The following ROR2 variants were observed in gnomAD, a reference collection of about 807,000 sequenced individuals.
ROR2 encodes the protein ROR family WNT receptor 2.
A neutral mutation model predicts 74.9 loss-of-function variants in ROR2; 33 were observed. The observed-to-expected ratio is 0.44, with a 90% confidence interval of 0.33 to 0.59. The LOEUF (loss-of-function observed/expected upper bound fraction) is 0.59, where lower values mean the gene tolerates loss of function less well. Ranked by LOEUF, ROR2 falls within the 20% of genes least tolerant of loss-of-function variation. The probability of loss-of-function intolerance (pLI) is 0.02; values close to 1 mark genes in which losing one functional copy is unlikely to be tolerated. For synonymous variants in ROR2, 586 were observed against 558.7 expected (o/e 1.05, Z -0.69); for missense variants, 1,216 against 1,313.8 (o/e 0.93, Z 1.15).
Position 91,934,218 on chromosome 9 carries a change from G to GT in ROR2, c.97+15648dup, listed in dbSNP as rs993276305. 1.5e-3 allele frequency among the ~76,000 whole-genome samples: 228 copies of GT among 152,090 alleles called. 1 individual carries two copies. The highest frequency in any genetic ancestry group is 5.4e-3 in the African/African-American group (223 of 41,470). On this transcript the variant is annotated intron_variant, in intron 1 of 8. Transcript: ENST00000375708. ...ATGTGTTACTAGATTTTTAGTTTTGGTTTTTTCTTGTTTTTTACTTAATCA... is the reference window on the plus strand; with the variant it reads ...ATGTGTTACTAGATTTTTAGTTTTGGTTTTTTTCTTGTTTTTTACTTAATCA...
chr9:91,732,149 C>T (rs1164963088), intron 6 of ROR2, among the ~76,000 whole-genome samples: 1 of 152,132 alleles, frequency 6.6e-6, no homozygotes, highest in Non-Finnish European at 1.5e-5. Context: ...GATTAGCCAA[C>T]GATGCTAAAT....
chr9:91,899,448 T>C (rs558976959), intron 1 of ROR2, among the ~76,000 whole-genome samples: 31 of 152,310 alleles, frequency 2.0e-4, no homozygotes, highest in Admixed American at 1.6e-3. Context: ...GTGTCCCTCC[T>C]GTGTGCTGCA....
At chr9:91,891,811 G>T (rs993433280) in intron 1 of ROR2, among the ~76,000 whole-genome samples, 4 of 151,942 alleles carry the variant, frequency 2.6e-5, no homozygotes, top group African/African-American at 9.7e-5. Flanking sequence ...ACTTTAGGAG[G>T]CCAAGACGGG....
At chr9:91,822,292 C>T (rs1407816601) in intron 1 of ROR2, among the ~76,000 whole-genome samples, 1 of 152,192 alleles carries the variant, frequency 6.6e-6, no homozygotes, top group Non-Finnish European at 1.5e-5. Flanking sequence ...CACACCACCA[C>T]CAAGGATCAG....
Position 91,792,792 on chromosome 9 carries a change from A to C in ROR2, c.98-16974T>G, listed in dbSNP as rs138069698. Reference sequence around the variant, plus strand: ...CCAACAAATTAGATAACCTAGAGGAAATGGACAAATTCCTACAGAAATGAA... The same window carrying C: ...CCAACAAATTAGATAACCTAGAGGACATGGACAAATTCCTACAGAAATGAA... On this transcript the variant is annotated intron_variant, in intron 1 of 8. Coordinates refer to ENST00000375708, the MANE Select transcript of ROR2 (RefSeq NM_004560.4). Among the ~76,000 whole-genome samples, 387 of 152,364 alleles carry C rather than the reference A, an allele frequency of 2.5e-3. 6 individuals carry two copies. The highest frequency in any genetic ancestry group is 0.013 in the Admixed American group (192 of 15,304).
chr9:91,822,848 C>T (rs974627025), intron 1 of ROR2, among the ~76,000 whole-genome samples: 1 of 152,146 alleles, frequency 6.6e-6, no homozygotes, highest in African/African-American at 2.4e-5. Flanking sequence ...TGCAGCCAGA[C>T]GTGCACAGCT....
At chr9:91,730,607 T>C (rs957097144) in intron 7 of ROR2, among the ~76,000 whole-genome samples, 1 of 152,154 alleles carries the variant, frequency 6.6e-6, no homozygotes, top group Non-Finnish European at 1.5e-5. Flanking sequence ...ATTACAGGCA[T>C]GTGCCACCGC....
intron 2 of ROR2, among the ~76,000 whole-genome samples, chr9:91,765,279 T>C (rs1312669849): frequency 1.3e-5 from 2 of 152,202 alleles, no homozygotes; most frequent in African/African-American, 4.8e-5. Context: ...ACTATATCTT[T>C]CTTTTCTAGA....
At position 91,873,146 on chromosome 9, in the gene ROR2, T is replaced by C. The variant is rs114912520; in HGVS notation, c.97+76721A>G. On this transcript the variant is annotated intron_variant, in intron 1 of 8. Transcript: ENST00000375708. ...CTTTTCCGGATACACAGTGTCAACA[T>C]TGGTTTTCACCCTCCCCTGTCATTC... is the stretch of plus-strand genomic sequence containing the variant. Among the ~76,000 whole-genome samples, 16 of 152,162 alleles carry C rather than the reference T, an allele frequency of 1.1e-4. No individual in the cohort carries two copies. In the East Asian group the frequency reaches 1.4e-3, roughly 13 times the overall value.
intron 2 of ROR2, among the ~76,000 whole-genome samples, chr9:91,758,680 G>A (rs1376157320): frequency 6.6e-6 from 1 of 152,226 alleles, no homozygotes; most frequent in Non-Finnish European, 1.5e-5. Context: ...GCCCTGATAA[G>A]TGGGGAGCCC....
At chr9:91,783,600 G>A (rs1826697818) in intron 1 of ROR2, among the ~76,000 whole-genome samples, 1 of 152,110 alleles carries the variant, frequency 6.6e-6, no homozygotes, top group South Asian at 2.1e-4. Context: ...CAGGGTTTCA[G>A]CTGCAGCTGC....
intron 1 of ROR2, among the ~76,000 whole-genome samples, chr9:91,840,107 G>A (rs1828736799): frequency 6.6e-6 from 1 of 152,136 alleles, no homozygotes; most frequent in South Asian, 2.1e-4. Flanking sequence ...AGAGCAGAGA[G>A]TACCTGGCTG....
intron 1 of ROR2, among the ~76,000 whole-genome samples, chr9:91,826,627 A>G (rs1034814243): frequency 1.3e-5 from 2 of 151,956 alleles, no homozygotes; most frequent in African/African-American, 4.8e-5. Context: ...TAAAAATACA[A>G]AAAGAAATTA....
intron 1 of ROR2, among the ~76,000 whole-genome samples, chr9:91,794,714 C>G (rs1342568800): frequency 6.6e-6 from 1 of 150,580 alleles, no homozygotes; most frequent in Non-Finnish European, 1.5e-5. Context: ...ATTTCTTTTT[C>G]AATTAAAAAA....
chr9:91,942,145 G>T (rs993591035), intron 1 of ROR2, among the ~76,000 whole-genome samples: 1 of 152,074 alleles, frequency 6.6e-6, no homozygotes, highest in Non-Finnish European at 1.5e-5. Context: ...TCATGTCCTC[G>T]ACAATTTTTG....
intron 1 of ROR2, among the ~76,000 whole-genome samples, chr9:91,946,252 T>A (rs553405184): frequency 1.3e-5 from 2 of 152,170 alleles, no homozygotes; most frequent in African/African-American, 4.8e-5. Context: ...AAACCTTACA[T>A]GCTTGGTATT....
intron 1 of ROR2, among the ~76,000 whole-genome samples, chr9:91,941,608 G>A (rs1235395919): frequency 2.0e-5 from 3 of 152,138 alleles, no homozygotes; most frequent in Non-Finnish European, 4.4e-5. Flanking sequence ...CAGTGGTTCC[G>A]TTAGTATCCA....
At chr9:91,820,190 C>A (rs1013635460) in intron 1 of ROR2, among the ~76,000 whole-genome samples, 36 of 152,260 alleles carry the variant, frequency 2.4e-4, no homozygotes, top group African/African-American at 8.7e-4. Context: ...TTTTAAAATG[C>A]ACTGCCCCCA....
rs113934820 is a variant in ROR2 at position 91,899,116 on chromosome 9, G to A, written c.97+50751C>T. On this transcript the variant is annotated intron_variant, in intron 1 of 8. Coordinates refer to ENST00000375708, the MANE Select transcript of ROR2 (RefSeq NM_004560.4). ...CCACCAGGTGGCCTCTTCCTGTTCC[G>A]CTGACTCCGGCCTGACCTCTGTCCT... 8.0e-3 allele frequency among the ~76,000 whole-genome samples: 1,220 copies of A among 152,314 alleles called. 20 individuals carry two copies. The highest frequency in any genetic ancestry group is 0.027 in the African/African-American group (1,136 of 41,578).
Sources: gnomAD v4.1 joint callset for allele counts (sites outside exome capture counted in the v4.1 genomes callset) on GRCh38, gnomAD v4.1.1 for gene constraint, MANE v1.5 for transcripts, NCBI Gene and HGNC (gene_info 2026-07-23, HGNC 2026-07-21) for gene names.